The following TRIM44 variants were observed in gnomAD, a reference collection of about 807,000 sequenced individuals.
TRIM44 encodes tripartite motif containing 44.
In TRIM44, 13 loss-of-function variants were observed where a neutral mutation model predicts 37.4. That is an observed-to-expected ratio of 0.35 (90% CI 0.23 to 0.55). The LOEUF (loss-of-function observed/expected upper bound fraction) is 0.55. Among genes scored for constraint, TRIM44 ranks in the 20% least tolerant of loss-of-function variants. TRIM44 has a pLI of 0.89. For synonymous variants in TRIM44, 175 were observed against 157.2 expected (o/e 1.11, Z -0.85); for missense variants, 426 against 437.2 (o/e 0.97, Z 0.23).
At chr11:35,740,757 A>T (rs1347090948) in intron 4 of TRIM44, among the ~76,000 whole-genome samples, 1 of 151,610 alleles carries the variant, frequency 6.6e-6, no homozygotes, top group South Asian at 2.1e-4. Flanking sequence ...TATTATCCTC[A>T]CCCCTCTTCA....
intron 4 of TRIM44, among the ~76,000 whole-genome samples, chr11:35,793,396 G>T (rs1343063352): frequency 6.6e-6 from 1 of 151,988 alleles, no homozygotes; most frequent in Non-Finnish European, 1.5e-5. Flanking sequence ...ATGGTGGTGT[G>T]TGCCTGTAAT....
At position 35,816,348 on chromosome 11, in the gene TRIM44, A is replaced by G. The variant is rs1160143576; in HGVS notation, c.*9963A>G. 1 of 152,178 alleles carries G rather than the reference A, an allele frequency of 6.6e-6. No individual in the cohort carries two copies. The highest frequency in any genetic ancestry group is 1.5e-5 in the Non-Finnish European group (1 of 68,028). The allele number at this position is 152,178 out of a possible 1,614,324, so 9.4% of individuals were successfully genotyped here. A position where few individuals can be genotyped will look rare whatever the true frequency, so the allele number is the denominator to read the frequency against. ...CTTCCCAACTCAGCTCCAAAACCAC[A>G]CACAATGTCTAACTTCAAAAAGAGT... On this transcript the variant is annotated 3_prime_UTR_variant, in exon 5 of 5. Transcript: ENST00000299413.
intron 4 of TRIM44, among the ~76,000 whole-genome samples, chr11:35,800,660 C>T (rs556131261): frequency 6.6e-5 from 10 of 152,302 alleles, no homozygotes; most frequent in South Asian, 2.1e-4. Flanking sequence ...TATTTGGGCC[C>T]AGCCAGAAAG....
intron 4 of TRIM44, among the ~76,000 whole-genome samples, chr11:35,757,818 T>G (rs990383172): frequency 1.3e-5 from 2 of 152,162 alleles, no homozygotes; most frequent in African/African-American, 2.4e-5. Context: ...TTTTAGTGAG[T>G]TTCTTAATCT....
intron 3 of TRIM44, among the ~76,000 whole-genome samples, chr11:35,729,372 C>T (rs548860429): frequency 6.6e-6 from 1 of 152,252 alleles, no homozygotes; most frequent in South Asian, 2.1e-4. Context: ...TGGCCCTGCT[C>T]CTCCCAGTAA....
rs183545922 is a variant in TRIM44 at position 35,815,929 on chromosome 11, A to C, written c.*9544A>C. 6.6e-6 allele frequency: 1 copy of C among 152,310 alleles called. No individual in the cohort carries two copies. Among genetic ancestry groups the C allele is most frequent in the East Asian group, 1.9e-4 (1 of 5,190 alleles). The allele number at this position is 152,310 out of a possible 1,614,324, so 9.4% of individuals were successfully genotyped here. ...GAAAAAGACAATTTTACAATGACTT[A>C]CTTCTAATAATCACTGAAACAGCCT... is the stretch of plus-strand genomic sequence containing the variant. On this transcript the variant is annotated 3_prime_UTR_variant, in exon 5 of 5. Transcript: ENST00000299413.
intron 4 of TRIM44, among the ~76,000 whole-genome samples, chr11:35,801,765 A>G (rs575269563): frequency 6.6e-6 from 1 of 152,268 alleles, no homozygotes; most frequent in East Asian, 1.9e-4. Context: ...CCTTAGTCTC[A>G]TTCTGTCACC....
At chr11:35,777,048 A>C (rs181763807) in intron 4 of TRIM44, among the ~76,000 whole-genome samples, 1,870 of 152,274 alleles carry the variant, frequency 0.012, 45 homozygotes, top group African/African-American at 0.043. Flanking sequence ...TAATGTTGAC[A>C]GTGGGGTGTT....
At chr11:35,781,525 T>A (rs1246063733) in intron 4 of TRIM44, among the ~76,000 whole-genome samples, 1 of 152,150 alleles carries the variant, frequency 6.6e-6, no homozygotes, top group East Asian at 1.9e-4. Context: ...AGGATCCAGA[T>A]ATGCCAGAGT....
intron 2 of TRIM44, among the ~76,000 whole-genome samples, chr11:35,700,744 G>A (rs565420324): frequency 9.2e-5 from 14 of 152,232 alleles, no homozygotes; most frequent in East Asian, 5.8e-4. Context: ...GCTAGGGGGC[G>A]TGGCTAATTC....
chr11:35,741,827 G>T (rs188362063), intron 4 of TRIM44, among the ~76,000 whole-genome samples: 4 of 152,242 alleles, frequency 2.6e-5, no homozygotes, highest in Admixed American at 2.6e-4. Context: ...CCCTCTGCTA[G>T]GCCTTAGGGA....
chr11:35,789,378 T>A (rs1208636514), intron 4 of TRIM44, among the ~76,000 whole-genome samples: 4 of 152,150 alleles, frequency 2.6e-5, no homozygotes, highest in African/African-American at 9.7e-5. Flanking sequence ...GTCATGAAAG[T>A]TTAGTATGTG....
chr11:35,716,934 C>G (rs778355660), intron 2 of TRIM44, among the ~76,000 whole-genome samples: 8 of 152,120 alleles, frequency 5.3e-5, no homozygotes, highest in Non-Finnish European at 8.8e-5. Context: ...TTGGCATCAT[C>G]ATGATAATTA....
intron 4 of TRIM44, among the ~76,000 whole-genome samples, chr11:35,754,502 T>C (rs1303467876): frequency 6.6e-6 from 1 of 152,122 alleles, no homozygotes; most frequent in Non-Finnish European, 1.5e-5. Context: ...CTTTATAGTT[T>C]ATTTTTATTT....
intron 4 of TRIM44, among the ~76,000 whole-genome samples, chr11:35,770,878 G>T (rs553302435): frequency 6.6e-6 from 1 of 152,218 alleles, no homozygotes; most frequent in East Asian, 1.9e-4. Context: ...CCACCACCGT[G>T]TAAGAGGTAC....
chr11:35,790,179 C>G (rs1176946619), intron 4 of TRIM44, among the ~76,000 whole-genome samples: 1 of 152,142 alleles, frequency 6.6e-6, no homozygotes, highest in South Asian at 2.1e-4. Context: ...GCTGGCTCAT[C>G]CAGAAACTCT....
Position 35,816,018 on chromosome 11 carries a change from C to T in TRIM44, c.*9633C>T, listed in dbSNP as rs1204001006. On this transcript the variant is annotated 3_prime_UTR_variant, in exon 5 of 5. Coordinates refer to ENST00000299413, the MANE Select transcript of TRIM44 (RefSeq NM_017583.6). The stretch of plus-strand genomic sequence containing the variant: ...GGCCCATTGTCAAATGGCAGACTTG[C>T]AGAGCAAATAAGGGACCTGGCCTAG... 1 of 152,198 alleles carries T rather than the reference C, an allele frequency of 6.6e-6. No individual in the cohort carries two copies. Among genetic ancestry groups the T allele is most frequent in the Non-Finnish European group, 1.5e-5 (1 of 68,058 alleles). 9.4% of individuals were successfully genotyped at this position (152,198 alleles called of 1,614,324 possible).
intron 2 of TRIM44, among the ~76,000 whole-genome samples, chr11:35,691,223 G>A (rs908862660): frequency 1.3e-5 from 2 of 152,206 alleles, no homozygotes; most frequent in African/African-American, 2.4e-5. Flanking sequence ...CACTAAATGG[G>A]AAAAATACCT....
At chr11:35,721,112 C>T (rs1215440575) in intron 2 of TRIM44, among the ~76,000 whole-genome samples, 3 of 151,950 alleles carry the variant, frequency 2.0e-5, no homozygotes, top group African/African-American at 7.3e-5. Flanking sequence ...CCATGTTGGC[C>T]GGGCTGGTCT....
Sources: gnomAD v4.1 joint callset for allele counts (sites outside exome capture counted in the v4.1 genomes callset) on GRCh38, gnomAD v4.1.1 for gene constraint, MANE v1.5 for transcripts, NCBI Gene and HGNC (gene_info 2026-07-23, HGNC 2026-07-21) for gene names.